Variants in ZNF775 observed in about 807,000 individuals in gnomAD.
The protein encoded by ZNF775 is zinc finger protein 775.
In ZNF775, 1 loss-of-function variant was observed where a neutral mutation model predicts 2.4. The ratio of observed to expected loss-of-function variants is 0.41; its 90% CI spans 0.15 to 1.94. ZNF775 has a LOEUF of 1.94. ZNF775 is among the 30% of genes most tolerant of loss of function. The pLI, the probability that ZNF775 is intolerant of heterozygous loss-of-function variation, is 0.30. For missense variants in ZNF775, 823 were observed against 826.6 expected, an observed-to-expected ratio of 1.00 and a Z score of 0.05; for synonymous variants, 381 against 373.3, an observed-to-expected ratio of 1.02 and a Z score of -0.24.
rs1409601753 is a variant in ZNF775 at position 150,397,661 on chromosome 7, G to A, written c.1180G>A (p.Ala394Thr). Residue 394 changes from alanine to threonine, a missense_variant, in exon 3 of 3, where the codon GCC (alanine) becomes ACC (threonine). Coordinates refer to ENST00000329630, the MANE Select transcript of ZNF775 (RefSeq NM_173680.4). ...GCGCGCCCACGCTGTCGCTGAGCCC[G>A]CCGTTCCGGCCGGGGAACCGGGCGA... ...HQRAHAVAEP[A>T]VPAGEPGDQP... The A allele has an allele frequency of 2.3e-6, 3 of 1,321,844 alleles. No homozygotes were observed. The highest frequency in any genetic ancestry group is 2.9e-6 in the Non-Finnish European group (3 of 1,040,480). 81.9% of individuals were successfully genotyped at this position (1,321,844 alleles called of 1,614,324 possible). A position where few individuals can be genotyped will look rare whatever the true frequency, so the allele number is the denominator to read the frequency against.
Position 150,388,304 on chromosome 7 carries a change from G to T in ZNF775, c.-49-118G>T. 4.1e-6 allele frequency: 3 copies of T among 730,640 alleles called. No individual in the cohort carries two copies. The South Asian group carries it at 5.6e-5, about 14-fold the overall frequency. The allele number at this position is 730,640 out of a possible 1,614,324, so 45.3% of individuals were successfully genotyped here. A position where few individuals can be genotyped will look rare whatever the true frequency, so the allele number is the denominator to read the frequency against. ...CCTGCCCATGTCGAATGTGGCTATG[G>T]ATAGAAAAGCTCTTTGGAAAAGAGA... is the stretch of plus-strand genomic sequence containing the variant. On this transcript the variant is annotated intron_variant, in intron 1 of 2. Transcript: ENST00000329630.
chr7:150,387,391 G>A (rs532506468), intron 1 of ZNF775, among the ~76,000 whole-genome samples: 10 of 152,218 alleles, frequency 6.6e-5, no homozygotes, highest in South Asian at 4.1e-4. Flanking sequence ...CAAGCCAGGC[G>A]GGGATCTGCG....
chr7:150,396,372 C>A, intron 2 of ZNF775, 141 bp from the exon 3 acceptor site: 2 of 1,035,636 alleles, frequency 1.9e-6, no homozygotes, highest in Non-Finnish European at 2.7e-6. Flanking sequence ...AAATCTTTCC[C>A]TTCTGCCTTT....
Position 150,398,008 on chromosome 7 carries a change from C to A in ZNF775, c.1527C>A (p.Arg509=). ...CCTACCTGTGTCCCGCCTGCGGCCG[C>A]GGCTTCAGCCAGAAGCAGCACCTGC... The part of the protein sequence containing the change: ...ERPYLCPACG[R]GFSQKQHLLK... The change falls in exon 3 of 3, where the codon CGC becomes CGA. Residue 509 remains arginine (R), a synonymous_variant. Transcript: ENST00000329630. The A allele has an allele frequency of 6.3e-7, 1 of 1,585,896 alleles. No individual in the cohort carries two copies.
intron 1 of ZNF775, among the ~76,000 whole-genome samples, chr7:150,380,515 A>T (rs931490971): frequency 6.6e-6 from 1 of 152,112 alleles, no homozygotes; most frequent in Non-Finnish European, 1.5e-5. Flanking sequence ...GGTCAAAGCG[A>T]TCCCTAATCT....
rs1344531162 is a variant in ZNF775 at position 150,385,519 on chromosome 7, CG to C, written c.-49-2902del. ...CGGGAGCTCTGAGCCTGCAATACCCCGAATGACTGCAAAGACGGGAGCTCTG... is the reference window on the plus strand; with the variant it reads ...CGGGAGCTCTGAGCCTGCAATACCCCAATGACTGCAAAGACGGGAGCTCTG... On this transcript the variant is annotated intron_variant, in intron 1 of 2. Coordinates refer to ENST00000329630, the MANE Select transcript of ZNF775 (RefSeq NM_173680.4). Among the ~76,000 whole-genome samples, 6 of 55,258 alleles carry C rather than the reference CG, an allele frequency of 1.1e-4. 1 individual carries two copies. In the Admixed American group the frequency reaches 1.2e-3, roughly 11 times the overall value. The allele number at this position is 55,258 out of a possible 152,430, so 36.3% of individuals were successfully genotyped here.
In ZNF775 at chr7:150,397,537, G is replaced by A; in HGVS notation, c.1056G>A (p.Leu352=). ...GCGGCTTCCGCCAGAAGCAGCACCT[G>A]CTCAAGCACCTGCGCACGCACCTGC... The part of the protein sequence containing the change: ...CGRGFRQKQH[L]LKHLRTHLPG... Residue 352 remains leucine, a synonymous_variant, in exon 3 of 3, where the codon CTG becomes CTA. Transcript: ENST00000329630. 1 of 1,556,124 alleles carries A rather than the reference G, an allele frequency of 6.4e-7. No individual in the cohort carries two copies. Among genetic ancestry groups the A allele is most frequent in the Non-Finnish European group, 8.6e-7 (1 of 1,157,966 alleles).
intron 1 of ZNF775, among the ~76,000 whole-genome samples, chr7:150,388,002 G>A (rs1800484569): frequency 1.3e-5 from 2 of 152,156 alleles, no homozygotes; most frequent in East Asian, 3.9e-4. Flanking sequence ...TGCCTTCCGG[G>A]TGCATTCCTC....
At position 150,397,198 on chromosome 7, in the gene ZNF775, G is replaced by A. The variant is rs2116480043; in HGVS notation, c.717G>A (p.Leu239=). ...CGGCGGCGCGCCGGGCCTGTCGCCT[G>A]CAGCCGGGGCCGCCGCGGGGGCGCC... ...QDAAARRACR[L]QPGPPRGRPE... is the part of the protein sequence containing the mutation. Residue 239 remains leucine, a synonymous_variant, in exon 3 of 3, where the codon CTG becomes CTA. Transcript: ENST00000329630. 1.8e-6 allele frequency: 2 copies of A among 1,134,568 alleles called. No homozygotes were observed. Among genetic ancestry groups the A allele is most frequent in the East Asian group, 4.7e-5 (1 of 21,312 alleles). The allele number at this position is 1,134,568 out of a possible 1,614,324, so 70.3% of individuals were successfully genotyped here. A position where few individuals can be genotyped will look rare whatever the true frequency, so the allele number is the denominator to read the frequency against.
chr7:150,381,727 G>T (rs1800365530), intron 1 of ZNF775, among the ~76,000 whole-genome samples: 2 of 152,164 alleles, frequency 1.3e-5, no homozygotes, highest in African/African-American at 4.8e-5. Flanking sequence ...CCTCTCAGCG[G>T]CTTTTTCCAC....
In ZNF775 at chr7:150,396,668, C is replaced by A; in HGVS notation, c.187C>A (p.Leu63Met). Residue 63 changes from leucine to methionine, a missense_variant, in exon 3 of 3, where the codon CTG becomes ATG. By Grantham distance (15) the Leu-to-Met change is conservative. Transcript: ENST00000329630. ...CCAGACCATGGGGCGGCCTCGAGCC[C>A]TGGGGGGACAGGAGGAGTCTGGGAG... ...PRQTMGRPRALGGQEESGSPR... is the reference protein window; with the variant it reads ...PRQTMGRPRAMGGQEESGSPR... 6.2e-7 allele frequency: 1 copy of A among 1,610,260 alleles called. No individual in the cohort carries two copies. The highest frequency in any genetic ancestry group is 8.5e-7 in the Non-Finnish European group (1 of 1,179,084).
intron 2 of ZNF775, among the ~76,000 whole-genome samples, chr7:150,389,492 G>T (rs1376448421): frequency 6.6e-6 from 1 of 152,228 alleles, no homozygotes; most frequent in African/African-American, 2.4e-5. Flanking sequence ...GGAGCCAGGT[G>T]GTGGCAGGAG....
At chr7:150,391,727 T>TTTTTTTTA (rs1800563116) in intron 2 of ZNF775, among the ~76,000 whole-genome samples, 1 of 128,296 alleles carries the variant, frequency 7.8e-6, no homozygotes, top group African/African-American at 2.6e-5. Context: ...TTTTTTTTTT[T>TTTTTTTTA]GAGATAGAGT....
chr7:150,397,428 G>A lies in ZNF775; in HGVS notation c.947G>A (p.Arg316His). 6.3e-7 allele frequency: 1 copy of A among 1,595,552 alleles called. No individual in the cohort carries two copies. The highest frequency in any genetic ancestry group is 8.5e-7 in the Non-Finnish European group (1 of 1,174,782). Reference protein sequence around the residue: ...ERPYACPECGRRFSQKPNLTR... With the variant: ...ERPYACPECGHRFSQKPNLTR... ...CCCTATGCGTGCCCCGAGTGCGGCC[G>A]CCGCTTCAGCCAGAAGCCCAACTTG... is the stretch of plus-strand genomic sequence containing the variant. Residue 316 changes from arginine to histidine, a missense_variant, in exon 3 of 3, where the codon CGC (arginine) becomes CAC (histidine). Transcript: ENST00000329630.
At chr7:150,381,468 C>T (rs2129620783) in intron 1 of ZNF775, among the ~76,000 whole-genome samples, 1 of 152,264 alleles carries the variant, frequency 6.6e-6, no homozygotes, top group East Asian at 1.9e-4. Flanking sequence ...CGGGTGATGG[C>T]AACAGCAACG....
At chr7:150,381,574 C>T (rs1163476371) in intron 1 of ZNF775, among the ~76,000 whole-genome samples, 1 of 151,686 alleles carries the variant, frequency 6.6e-6, no homozygotes. Flanking sequence ...CGCCCCCGCC[C>T]CACTTGATAT....
intron 2 of ZNF775, 123 bp downstream of exon 2, chr7:150,388,624 A>G (rs1467289637): frequency 3.6e-6 from 4 of 1,102,368 alleles, no homozygotes; most frequent in Non-Finnish European, 5.3e-6. Context: ...CATCCCACTG[A>G]TGCAGAATTT....
chr7:150,390,549 A>G (rs186075390), intron 2 of ZNF775, among the ~76,000 whole-genome samples: 2 of 152,340 alleles, frequency 1.3e-5, no homozygotes, highest in Admixed American at 6.5e-5. Context: ...TATGAATTCA[A>G]TCAGATGATT....
At chr7:150,392,815 A>G (rs567075748) in intron 2 of ZNF775, among the ~76,000 whole-genome samples, 2 of 152,316 alleles carry the variant, frequency 1.3e-5, no homozygotes, top group Admixed American at 1.3e-4. Context: ...ATTACAGGCA[A>G]GAGCCACTGT....
Sources: allele counts gnomAD v4.1 joint callset (sites outside exome capture counted in the v4.1 genomes callset), GRCh38; gene constraint gnomAD v4.1.1; transcripts MANE v1.5; gene names NCBI Gene and HGNC (gene_info 2026-07-23, HGNC 2026-07-21).